AMDHD1: variants seen among roughly 807,000 people sequenced by gnomAD.
AMDHD1 encodes the protein amidohydrolase domain containing 1.
In AMDHD1, 45 loss-of-function variants were observed where a neutral mutation model predicts 44.1. The observed-to-expected ratio is 1.02, with a 90% CI of 0.80 to 1.31. The LOEUF is 1.31. AMDHD1 is among the 50% of genes most tolerant of loss of function. The probability of loss-of-function intolerance (pLI) is 0.00; values close to 1 mark genes in which losing one functional copy is unlikely to be tolerated. For synonymous variants in AMDHD1, 206 were observed against 205.0 expected, an observed-to-expected ratio of 1.00 and a Z score of -0.04; for missense variants, 586 against 552.1, an observed-to-expected ratio of 1.06 and a Z score of -0.61.
chr12:95,954,016 A>G (rs1014003853), intron 2 of AMDHD1, among the ~76,000 whole-genome samples: 4 of 152,236 alleles, frequency 2.6e-5, no homozygotes, highest in African/African-American at 7.2e-5. Flanking sequence ...CATTTAATCC[A>G]TAAGGTATCT....
chr12:95,959,113 G>A (rs933841097), intron 4 of AMDHD1, among the ~76,000 whole-genome samples: 4 of 152,038 alleles, frequency 2.6e-5, no homozygotes, highest in Admixed American at 2.6e-4. Flanking sequence ...TTGCGTAAGT[G>A]CCTGTCTCTC....
At chr12:95,954,808 A>G in intron 2 of AMDHD1, 103 bp from the exon 3 acceptor site, 1 of 1,059,530 alleles carries the variant, frequency 9.4e-7, no homozygotes, top group East Asian at 2.5e-5. Context: ...GATGGCCACC[A>G]TCACACTTTC....
chr12:95,950,934 C>T (rs111618992), intron 1 of AMDHD1, among the ~76,000 whole-genome samples: 17 of 152,134 alleles, frequency 1.1e-4, no homozygotes, highest in Admixed American at 2.6e-4. Flanking sequence ...ATATATTTGA[C>T]GTTTAAAGTT....
chr12:95,947,680 T>A (rs1185791530), intron 1 of AMDHD1, among the ~76,000 whole-genome samples: 1 of 45,752 alleles, frequency 2.2e-5, no homozygotes, highest in Non-Finnish European at 3.6e-5. Flanking sequence ...GGGGCGCCTC[T>A]GCCCGGCCAG....
rs746787781 is a variant in AMDHD1 at position 95,966,466 on chromosome 12, A to C, written c.1151A>C (p.Glu384Ala). The C allele has an allele frequency of 5.0e-6, 8 of 1,614,126 alleles. No individual in the cohort carries two copies. In the South Asian group the frequency reaches 7.7e-5, roughly 16 times the overall value. ...LGKSHTHGSL[E>A]VGKQGDLIII... ...AAGTCTCACACACACGGATCGTTGG[A>C]AGTTGGCAAACAGGGAGATCTCATT... The change falls in exon 8 of 9, where the codon GAA (glutamate) becomes GCA (alanine). Residue 384 changes from glutamate (E) to alanine (A), a missense_variant. Glu to Ala is a moderately radical substitution (Grantham distance 107, BLOSUM62 -1). Transcript: ENST00000266736.
chr12:95,946,673 G>C (rs1232383655), intron 1 of AMDHD1, among the ~76,000 whole-genome samples: 391 of 12,632 alleles, frequency 0.031, 46 homozygotes, highest in Middle Eastern at 0.083. Flanking sequence ...CCTCTCATGC[G>C]GAGCCGAAGC....
At chr12:95,957,062 A>G (rs2080555792) in intron 4 of AMDHD1, 100 bp downstream of exon 4, 1 of 1,507,948 alleles carries the variant, frequency 6.6e-7, no homozygotes, top group Non-Finnish European at 9.0e-7. Flanking sequence ...AGGGAGATGG[A>G]TAGAAGTCTT....
intron 5 of AMDHD1, among the ~76,000 whole-genome samples, chr12:95,961,651 T>A (rs926973362): frequency 2.0e-5 from 3 of 152,232 alleles, no homozygotes; most frequent in Non-Finnish European, 4.4e-5. Context: ...ATCACCTGTC[T>A]GTCGCTTAAG....
rs138716150 is a variant in AMDHD1 at position 95,956,666 on chromosome 12, A to C, written c.310-19A>C. On this transcript the variant is annotated intron_variant, in intron 3 of 8. Coordinates refer to ENST00000266736, the MANE Select transcript of AMDHD1 (RefSeq NM_152435.3). ...AACTTCCTGGCATGTGCTGGCCTAA[A>C]GGTGAGGCGTGTGTTCAGTTGGCAG... 3.4e-5 allele frequency: 55 copies of C among 1,611,728 alleles called. No homozygotes were observed. In the Middle Eastern group the frequency reaches 9.9e-4, roughly 29 times the overall value.
intron 1 of AMDHD1, among the ~76,000 whole-genome samples, chr12:95,947,629 G>C (rs1244549558): frequency 1.6e-5 from 1 of 64,210 alleles, no homozygotes; most frequent in African/African-American, 8.3e-5. Flanking sequence ...AGGTGGGGGG[G>C]TCAGCCCCCC....
chr12:95,947,825 C>T (rs1344853346), intron 1 of AMDHD1, among the ~76,000 whole-genome samples: 5 of 96,262 alleles, frequency 5.2e-5, no homozygotes, highest in Admixed American at 1.0e-4. Flanking sequence ...GGGGTCAGCG[C>T]CCCGCCCGGC....
intron 6 of AMDHD1, among the ~76,000 whole-genome samples, chr12:95,963,485 A>G (rs2080593553): frequency 2.6e-5 from 4 of 152,218 alleles, no homozygotes. Context: ...CGAAGAAAGG[A>G]ATACTTCAGT....
At chr12:95,951,566 C>T (rs537859400) in intron 1 of AMDHD1, among the ~76,000 whole-genome samples, 1 of 152,322 alleles carries the variant, frequency 6.6e-6, no homozygotes, top group African/African-American at 2.4e-5. Context: ...GCAGACATCT[C>T]TTTAATATAC....
chr12:95,949,313 G>C (rs1001939288), intron 1 of AMDHD1, among the ~76,000 whole-genome samples: 4 of 152,106 alleles, frequency 2.6e-5, no homozygotes, highest in Non-Finnish European at 5.9e-5. Flanking sequence ...TTTTCACAAA[G>C]CACCCTGAGA....
chr12:95,956,742 G>C lies in AMDHD1; in HGVS notation c.367G>C (p.Val123Leu). The change falls in exon 4 of 9, where the codon GTG becomes CTG. Residue 123 changes from valine to leucine, a missense_variant. Val to Leu is a conservative substitution (Grantham distance 32). Transcript: ENST00000266736. ...HQAGGGIHFT[V>L]ERTRQATEEE... ...GGCCGGAGGAGGGATCCACTTTACCGTGGAGCGCACGCGCCAAGCCACAGA... is the reference window on the plus strand; with the variant it reads ...GGCCGGAGGAGGGATCCACTTTACCCTGGAGCGCACGCGCCAAGCCACAGA... 1 of 1,614,180 alleles carries C rather than the reference G, an allele frequency of 6.2e-7. No individual in the cohort carries two copies. The highest frequency in any genetic ancestry group is 8.5e-7 in the Non-Finnish European group (1 of 1,180,036).
At chr12:95,949,140 T>TAAAAAAAAAAAAAAA (rs1170844527) in intron 1 of AMDHD1, among the ~76,000 whole-genome samples, 14 of 4,456 alleles carry the variant, frequency 3.1e-3, no homozygotes, top group South Asian at 0.011. Context: ...AAAAATAAAT[T>TAAAAAAAAAAAAAAA]AAAAAAAAAA....
At chr12:95,944,011 C>T (rs551157241) in intron 1 of AMDHD1, among the ~76,000 whole-genome samples, 36 of 152,250 alleles carry the variant, frequency 2.4e-4, no homozygotes, top group South Asian at 1.0e-3. Context: ...CTCGTGATCT[C>T]GTACACTAAA....
rs147778437 is a variant in AMDHD1, at chr12:95,946,198, T to C, written c.137+2663T>C. 3.8e-4 allele frequency among the ~76,000 whole-genome samples: 58 copies of C among 152,228 alleles called. No homozygotes were observed. The East Asian group carries it at 8.5e-3, about 22-fold the overall frequency. Reference sequence around the variant, plus strand: ...AAAGGCTAAAACCTAGATGAAAATGTCTAAATGAACAAAACAAACAGGAAT... The same window carrying C: ...AAAGGCTAAAACCTAGATGAAAATGCCTAAATGAACAAAACAAACAGGAAT... On this transcript the variant is annotated intron_variant, in intron 1 of 8. Coordinates refer to ENST00000266736, the MANE Select transcript of AMDHD1 (RefSeq NM_152435.3).
chr12:95,963,390 C>CTCCT (rs201456878), intron 6 of AMDHD1, among the ~76,000 whole-genome samples: 1 of 135,750 alleles, frequency 7.4e-6, no homozygotes, highest in Non-Finnish European at 1.7e-5. Flanking sequence ...CACAGAACAG[C>CTCCT]TCCCAAAACA....
Sources: allele counts gnomAD v4.1 joint callset (sites outside exome capture counted in the v4.1 genomes callset), GRCh38; gene constraint gnomAD v4.1.1; transcripts MANE v1.5; gene names NCBI Gene and HGNC (gene_info 2026-07-23, HGNC 2026-07-21).